CDV3: variants seen among roughly 807,000 people sequenced by gnomAD.
CDV3 encodes protein CDV3 homolog.
CDV3 carries 14 observed loss-of-function variants against 24.5 expected under a neutral mutation model. That is an observed-to-expected ratio of 0.57 (90% CI 0.38 to 0.89). The LOEUF is 0.89. Ranked by LOEUF, CDV3 falls within the 40% of genes least tolerant of loss-of-function variation. The probability of loss-of-function intolerance (pLI) is 0.00; values close to 1 mark genes in which losing one functional copy is unlikely to be tolerated. For missense variants in CDV3, 304 were observed against 310.2 expected (o/e 0.98, Z 0.15); for synonymous variants, 114 against 114.1 (o/e 1.00, Z 0.00).
At chr3:133,587,288 G>T in intron 4 of CDV3, 1 of 1,267,728 alleles carries the variant, frequency 7.9e-7, no homozygotes, top group Non-Finnish European at 1.0e-6. Context: ...AGATGGAAAT[G>T]TGTTTTTTGG....
rs564809162 is a variant in CDV3, at chr3:133,583,763, T to C, written c.318-239T>C. On this transcript the variant is annotated intron_variant, in intron 2 of 4. Transcript: ENST00000264993. ...TTTTTAGTACAGATGGGTTTCGCCATGTTGCCCAGCCTGGTCTTGAACACC... is the reference window on the plus strand; with the variant it reads ...TTTTTAGTACAGATGGGTTTCGCCACGTTGCCCAGCCTGGTCTTGAACACC... Among the ~76,000 whole-genome samples, 5 of 152,286 alleles carry C rather than the reference T, an allele frequency of 3.3e-5. No individual in the cohort carries two copies. In the East Asian group the frequency reaches 9.6e-4, roughly 29 times the overall value.
intron 2 of CDV3, among the ~76,000 whole-genome samples, chr3:133,576,196 A>C (rs756728601): frequency 1.7e-4 from 26 of 152,232 alleles, no homozygotes; most frequent in Non-Finnish European, 2.8e-4. Flanking sequence ...GAGCTTAACC[A>C]AAGTGAAACC....
At position 133,576,841 on chromosome 3, in the gene CDV3, C is replaced by CTCTTTTTTTT. The variant is rs2074826777; in HGVS notation, c.317+1727_317+1728insCTTTTTTTTT. ...TCTGTTCAACCTGAAGGTAGACTAG[C>CTCTTTTTTTT]TTTTTTTTTTTTTTTTTTTTTTTGA... On this transcript the variant is annotated intron_variant, in intron 2 of 4. Coordinates refer to ENST00000264993, the MANE Select transcript of CDV3 (RefSeq NM_017548.5). Among the ~76,000 whole-genome samples, 8 of 62,390 alleles carry CTCTTTTTTTT rather than the reference C, an allele frequency of 1.3e-4. 1 individual carries two copies. Among genetic ancestry groups the CTCTTTTTTTT allele is most frequent in the African/African-American group, 5.4e-4 (8 of 14,728 alleles). The allele number at this position is 62,390 out of a possible 152,430, so 40.9% of individuals were successfully genotyped here.
chr3:133,576,529 AGT>A (rs1397703087), intron 2 of CDV3, among the ~76,000 whole-genome samples: 1 of 137,118 alleles, frequency 7.3e-6, no homozygotes, highest in Non-Finnish European at 1.5e-5. Context: ...CTGGAAGAAT[AGT>A]GTTTGGCCAT....
rs373292500 is a variant in CDV3, at chr3:133,588,085, G to A, written c.*39G>A. 11 of 1,596,438 alleles carry A rather than the reference G, an allele frequency of 6.9e-6. No homozygotes were observed. Among genetic ancestry groups the A allele is most frequent in the African/African-American group, 1.4e-5 (1 of 73,984 alleles). On this transcript the variant is annotated 3_prime_UTR_variant, in exon 5 of 5. Coordinates refer to ENST00000264993, the MANE Select transcript of CDV3 (RefSeq NM_017548.5). ...CTAACCCTTCTGAGGTAACTAGACT[G>A]CAGCTAACCACCACCAACAGCCATT...
intron 3 of CDV3, among the ~76,000 whole-genome samples, chr3:133,585,247 C>T (rs1933471280): frequency 6.6e-6 from 1 of 152,106 alleles, no homozygotes; most frequent in Non-Finnish European, 1.5e-5. Flanking sequence ...ACTATGTTGC[C>T]CAGGCTAGTC....
At chr3:133,587,020 A>G (rs1200139879) in intron 4 of CDV3, 3 of 494,526 alleles carry the variant, frequency 6.1e-6, no homozygotes, top group Non-Finnish European at 1.1e-5. Context: ...AAATTCTTTT[A>G]TAATTAAGTG....
Position 133,588,405 on chromosome 3 carries a change from G to T in CDV3, c.*359G>T. 2 of 1,521,596 alleles carry T rather than the reference G, an allele frequency of 1.3e-6. No homozygotes were observed. The highest frequency in any genetic ancestry group is 8.8e-7 in the Non-Finnish European group (1 of 1,133,814). The allele number at this position is 1,521,596 out of a possible 1,614,324, so 94.3% of individuals were successfully genotyped here. ...CCTCAGATTTGCTGCACTCATTGTG[G>T]ACTTCATGTGGATCACAACTTCTGG... On this transcript the variant is annotated 3_prime_UTR_variant, in exon 5 of 5. Transcript: ENST00000264993.
chr3:133,574,820 C>G lies in CDV3; in HGVS notation c.241-219C>G, dbSNP rs576954821. On this transcript the variant is annotated intron_variant, in intron 1 of 4. Transcript: ENST00000264993. ...TTCTTAGTTGCTTAAAGTAACAGCTCCCATGCAGGAACCCAGCGGAAGTAT... is the reference window on the plus strand; with the variant it reads ...TTCTTAGTTGCTTAAAGTAACAGCTGCCATGCAGGAACCCAGCGGAAGTAT... 1.2e-5 allele frequency: 10 copies of G among 823,062 alleles called. 1 individual carries two copies. The South Asian group carries it at 2.5e-4, about 21-fold the overall frequency. 51.0% of individuals were successfully genotyped at this position (823,062 alleles called of 1,614,324 possible). A position where few individuals can be genotyped will look rare whatever the true frequency, so the allele number is the denominator to read the frequency against.
rs1343030645 is a variant in CDV3, at chr3:133,588,629, A to G, written c.*583A>G. ...CTCTGTAGTAGGCTGTTGTTATATTAGACTTCCTGGAACACACTGCTGAAA... is the reference window on the plus strand; with the variant it reads ...CTCTGTAGTAGGCTGTTGTTATATTGGACTTCCTGGAACACACTGCTGAAA... On this transcript the variant is annotated 3_prime_UTR_variant, in exon 5 of 5. Coordinates refer to ENST00000264993, the MANE Select transcript of CDV3 (RefSeq NM_017548.5). 5 of 549,208 alleles carry G rather than the reference A, an allele frequency of 9.1e-6. No homozygotes were observed. The East Asian group carries it at 1.2e-4, about 13-fold the overall frequency. 34.0% of individuals were successfully genotyped at this position (549,208 alleles called of 1,614,324 possible).
At chr3:133,580,059 T>G (rs924619642) in intron 2 of CDV3, among the ~76,000 whole-genome samples, 14 of 152,176 alleles carry the variant, frequency 9.2e-5, no homozygotes, top group Non-Finnish European at 1.3e-4. Flanking sequence ...CCATGGTGGT[T>G]TGCTGCACCC....
At chr3:133,583,830 G>A (rs1369150715) in intron 2 of CDV3, among the ~76,000 whole-genome samples, 172 bp from the exon 3 acceptor site, 1 of 152,152 alleles carries the variant, frequency 6.6e-6, no homozygotes, top group African/African-American at 2.4e-5. Flanking sequence ...CCAAAGTCCT[G>A]GGATTACAGG....
rs551734872 is a variant in CDV3, at chr3:133,589,343, G to A, written c.*1297G>A. 3.2e-4 allele frequency: 49 copies of A among 152,458 alleles called. No homozygotes were observed. Among genetic ancestry groups the A allele is most frequent in the Non-Finnish European group, 3.2e-4 (22 of 68,024 alleles). The allele number at this position is 152,458 out of a possible 1,614,324, so 9.4% of individuals were successfully genotyped here. On this transcript the variant is annotated 3_prime_UTR_variant, in exon 5 of 5. Coordinates refer to ENST00000264993, the MANE Select transcript of CDV3 (RefSeq NM_017548.5). The stretch of plus-strand genomic sequence containing the variant: ...GTCTTTATGTTCATTTGGAGAGTCA[G>A]GGCGAAAGACAGGTGATGTAGCACT...
chr3:133,574,901 A>C, intron 1 of CDV3, 138 bp from the exon 2 acceptor site: 1 of 735,604 alleles, frequency 1.4e-6, no homozygotes, highest in Non-Finnish European at 2.2e-6. Flanking sequence ...CCCCAGAACG[A>C]AGCAAGGGCT....
chr3:133,573,969 C>A lies in CDV3; in HGVS notation c.-76C>A. On this transcript the variant is annotated 5_prime_UTR_variant, in exon 1 of 5. Transcript: ENST00000264993. ...CCGGCAGCGTGAGCGCAGAGCCGGC[C>A]TCGACCCCGAGCTCGGAGCCCCGCG... 5.0e-6 allele frequency: 5 copies of A among 1,000,866 alleles called. No individual in the cohort carries two copies. Among genetic ancestry groups the A allele is most frequent in the Non-Finnish European group, 4.8e-6 (4 of 840,792 alleles). The allele number at this position is 1,000,866 out of a possible 1,614,324, so 62.0% of individuals were successfully genotyped here.
rs1169610368 is a variant in CDV3 at position 133,589,327 on chromosome 3, T to G, written c.*1281T>G. Reference sequence around the variant, plus strand: ...ACCAGCCTTTTGGTGTGTCTTTATGTTCATTTGGAGAGTCAGGGCGAAAGA... The same window carrying G: ...ACCAGCCTTTTGGTGTGTCTTTATGGTCATTTGGAGAGTCAGGGCGAAAGA... On this transcript the variant is annotated 3_prime_UTR_variant, in exon 5 of 5. Transcript: ENST00000264993. The G allele has an allele frequency of 6.6e-6, 1 of 152,646 alleles. No individual in the cohort carries two copies. The highest frequency in any genetic ancestry group is 1.5e-5 in the Non-Finnish European group (1 of 68,054). The allele number at this position is 152,646 out of a possible 1,614,324, so 9.5% of individuals were successfully genotyped here.
Position 133,574,085 on chromosome 3 carries a change from C to A in CDV3, c.41C>A (p.Ala14Asp). Reference protein sequence around the residue: ...TEERSLDNFFAKRDKKKKKER... With the variant: ...TEERSLDNFFDKRDKKKKKER... ...GAGCGGAGCCTGGACAACTTCTTTG[C>A]CAAGAGGGACAAGAAGAAGAAGAAG... Residue 14 changes from alanine (A) to aspartate (D), a missense_variant, in exon 1 of 5, where the codon GCC (alanine) becomes GAC (aspartate). By Grantham distance (126) the Ala-to-Asp change is moderately radical. Coordinates refer to ENST00000264993, the MANE Select transcript of CDV3 (RefSeq NM_017548.5). 3 of 1,239,386 alleles carry A rather than the reference C, an allele frequency of 2.4e-6. No individual in the cohort carries two copies. The highest frequency in any genetic ancestry group is 1.5e-5 in the South Asian group (1 of 65,336). 76.8% of individuals were successfully genotyped at this position (1,239,386 alleles called of 1,614,324 possible). A position where few individuals can be genotyped will look rare whatever the true frequency, so the allele number is the denominator to read the frequency against.
intron 2 of CDV3, among the ~76,000 whole-genome samples, chr3:133,577,736 T>C (rs1475868561): frequency 1.3e-5 from 2 of 152,196 alleles, no homozygotes; most frequent in Non-Finnish European, 2.9e-5. Context: ...ACCTGTACAT[T>C]TGAAAGGGGA....
chr3:133,576,234 G>C (rs1300108570), intron 2 of CDV3, among the ~76,000 whole-genome samples: 1 of 152,204 alleles, frequency 6.6e-6, no homozygotes, highest in Non-Finnish European at 1.5e-5. Context: ...AAACTTTCAG[G>C]AACGATGGCT....
Sources: allele counts gnomAD v4.1 joint callset (sites outside exome capture counted in the v4.1 genomes callset), GRCh38; gene constraint gnomAD v4.1.1; transcripts MANE v1.5; gene names NCBI Gene and HGNC (gene_info 2026-07-23, HGNC 2026-07-21).